PKD1L3: variants seen among roughly 807,000 people sequenced by gnomAD.
PKD1L3 encodes the protein polycystin 1 like 3, transient receptor potential channel interacting, also known as polycystin-1-like protein 3.
Under a neutral mutation model 184.1 loss-of-function variants are expected in PKD1L3, and 239 were observed. That is an observed-to-expected ratio of 1.30 (90% CI 1.17 to 1.45). The LOEUF is 1.45. Among genes scored for constraint, PKD1L3 ranks in the 40% most tolerant of loss-of-function variants. The pLI, the probability that PKD1L3 is intolerant of heterozygous loss-of-function variation, is 0.00. For missense variants in PKD1L3, 2,660 were observed against 2,067.2 expected, an observed-to-expected ratio of 1.29 and a Z score of -5.56; for synonymous variants, 996 against 778.8, an observed-to-expected ratio of 1.28 and a Z score of -4.64.
intron 5 of PKD1L3, among the ~76,000 whole-genome samples, chr16:71,985,774 C>A (rs2143794232): frequency 6.6e-6 from 1 of 152,210 alleles, no homozygotes; most frequent in Middle Eastern, 3.4e-3. Flanking sequence ...GCTACGTTGC[C>A]CAGTCTGGTC....
At chr16:71,999,576 G>T (rs991568518) in intron 1 of PKD1L3, 108 bp downstream of exon 1, 2 of 1,131,224 alleles carry the variant, frequency 1.8e-6, no homozygotes. Flanking sequence ...AAAGTGACTG[G>T]TTTTTCTGTC....
intron 2 of PKD1L3, among the ~76,000 whole-genome samples, chr16:71,993,564 T>C (rs1017632802): frequency 7.9e-5 from 12 of 152,220 alleles, no homozygotes; most frequent in Admixed American, 2.0e-4. Flanking sequence ...GAGAAGTTCA[T>C]TAACCCATTT....
At chr16:71,976,264 C>CTTTTTTTTTTTTTTTT (rs71153688) in intron 11 of PKD1L3, among the ~76,000 whole-genome samples, 1,759 of 81,610 alleles carry the variant, frequency 0.022, 359 homozygotes, top group Non-Finnish European at 0.026. Context: ...CCCAGCCTGT[C>CTTTTTTTTTTTTTTTT]TTTTTTTTTT....
intron 18 of PKD1L3, 110 bp downstream of exon 18, chr16:71,952,784 G>A: frequency 8.5e-7 from 1 of 1,175,858 alleles, no homozygotes; most frequent in Non-Finnish European, 1.2e-6. Context: ...GCCACAGTGA[G>A]CCGAGGTTGC....
chr16:71,963,085 G>A (rs1258564064), intron 16 of PKD1L3, 120 bp downstream of exon 16: 6 of 1,101,732 alleles, frequency 5.4e-6, no homozygotes, highest in Admixed American at 3.2e-5. Flanking sequence ...TAATGCTTAT[G>A]TATGTTTGAA....
intron 28 of PKD1L3, among the ~76,000 whole-genome samples, chr16:71,931,460 C>T (rs2037961299): frequency 6.7e-6 from 1 of 149,906 alleles, no homozygotes; most frequent in Admixed American, 6.7e-5. Context: ...GTCTTCTCCC[C>T]CACTTTTTTT....
At chr16:71,950,738 T>TC (rs34642363) in intron 19 of PKD1L3, among the ~76,000 whole-genome samples, 90 of 7,274 alleles carry the variant, frequency 0.012, no homozygotes, top group African/African-American at 0.061. Context: ...TATTTCTCTC[T>TC]TTTTTTTTTT....
intron 16 of PKD1L3, among the ~76,000 whole-genome samples, chr16:71,955,791 C>G (rs2039022614): frequency 1.3e-5 from 2 of 152,138 alleles, no homozygotes; most frequent in South Asian, 4.1e-4. Flanking sequence ...CGAGTTCTCA[C>G]AAGACCTGAT....
intron 28 of PKD1L3, among the ~76,000 whole-genome samples, chr16:71,931,607 G>A (rs1212721620): frequency 1.3e-5 from 2 of 151,456 alleles, no homozygotes; most frequent in African/African-American, 4.9e-5. Context: ...TGGGATTACA[G>A]GTTCCCACCA....
chr16:71,958,627 A>G (rs2039142941), intron 16 of PKD1L3, among the ~76,000 whole-genome samples: 1 of 150,692 alleles, frequency 6.6e-6, no homozygotes, highest in Admixed American at 6.6e-5. Context: ...CTAAAAATAG[A>G]AAAATTAGCC....
At chr16:71,972,056 C>T (rs2039732653) in intron 12 of PKD1L3, among the ~76,000 whole-genome samples, 1 of 151,888 alleles carries the variant, frequency 6.6e-6, no homozygotes, top group Non-Finnish European at 1.5e-5. Flanking sequence ...CTCTAATAAA[C>T]ATACACAAAA....
chr16:71,973,486 C>G lies in PKD1L3; in HGVS notation c.1791G>C (p.Glu597Asp), dbSNP rs1461515369. The G allele has an allele frequency of 1.3e-6, 2 of 1,551,854 alleles. No individual in the cohort carries two copies. The highest frequency in any genetic ancestry group is 1.2e-5 in the South Asian group (1 of 84,058). ...AGGTGCCAATCCCGTGCTGCAGATGCTCTGGATTCAGCACCCACGTGTACT... is the reference window on the plus strand; with the variant it reads ...AGGTGCCAATCCCGTGCTGCAGATGGTCTGGATTCAGCACCCACGTGTACT... ...DEEYTWVLNP[E>D]HLQHGIGTYY... Residue 597 changes from glutamate (E) to aspartate (D), a missense_variant, in exon 12 of 30, where the codon GAG (glutamate) becomes GAC (aspartate). Physicochemically the swap from Glu to Asp is conservative, Grantham distance 45 (BLOSUM62 2). Coordinates refer to ENST00000620267, the MANE Select transcript of PKD1L3 (RefSeq NM_181536.2).
chr16:71,978,344 T>G lies in PKD1L3; in HGVS notation c.1438A>C (p.Asn480His). 1 of 1,550,676 alleles carries G rather than the reference T, an allele frequency of 6.4e-7. No individual in the cohort carries two copies. ...CCAATGCTTCCAACAATGTTTCTGT[T>G]GTCCAAATCCTTGAAGGGATTGAAA... The part of the protein sequence containing the change: ...LAFNPFKDLD[N>H]RNIVGSIGSV... The change falls in exon 10 of 30, where the codon AAC becomes CAC. Residue 480 changes from asparagine to histidine, a missense_variant. Asn to His is a moderately conservative substitution (Grantham distance 68). Coordinates refer to ENST00000620267, the MANE Select transcript of PKD1L3 (RefSeq NM_181536.2).
At chr16:71,951,101 G>A (rs957456876) in intron 19 of PKD1L3, among the ~76,000 whole-genome samples, 5 of 150,378 alleles carry the variant, frequency 3.3e-5, no homozygotes, top group South Asian at 2.1e-4. Context: ...GTGTAGTGGC[G>A]CGATCTCAGC....
At chr16:71,975,036 G>A (rs768160551) in intron 11 of PKD1L3, among the ~76,000 whole-genome samples, 71 of 152,066 alleles carry the variant, frequency 4.7e-4, no homozygotes, top group Non-Finnish European at 7.5e-4. Context: ...AAGTATATCT[G>A]GGCACTATTT....
At chr16:71,976,527 G>A (rs1048814088) in intron 11 of PKD1L3, among the ~76,000 whole-genome samples, 6 of 151,878 alleles carry the variant, frequency 4.0e-5, no homozygotes, top group African/African-American at 1.5e-4. Flanking sequence ...AAAGTGCTGG[G>A]GTTACAGGTA....
intron 16 of PKD1L3, among the ~76,000 whole-genome samples, chr16:71,957,848 C>G (rs2039106272): frequency 6.6e-6 from 1 of 152,020 alleles, no homozygotes; most frequent in South Asian, 2.1e-4. Context: ...TACTTCAAGA[C>G]AAGAATTATT....
intron 11 of PKD1L3, 117 bp from the exon 12 acceptor site, chr16:71,973,634 G>T: frequency 1.0e-6 from 1 of 953,854 alleles, no homozygotes; most frequent in Non-Finnish European, 1.5e-6. Context: ...TGAAACTAGA[G>T]TCACAAATGA....
intron 2 of PKD1L3, among the ~76,000 whole-genome samples, chr16:71,995,247 GA>G (rs996241670): frequency 1.6e-4 from 24 of 148,522 alleles, no homozygotes; most frequent in African/African-American, 6.0e-4. Flanking sequence ...ATTCACAAGG[GA>G]GGAGCCCTGT....
Sources: allele counts gnomAD v4.1 joint callset (sites outside exome capture counted in the v4.1 genomes callset), GRCh38; gene constraint gnomAD v4.1.1; transcripts MANE v1.5; gene names NCBI Gene and HGNC (gene_info 2026-07-23, HGNC 2026-07-21).